Variants in CAMK1 observed in about 807,000 individuals in gnomAD.
CAMK1 encodes calcium/calmodulin dependent protein kinase I, also known as calcium/calmodulin-dependent protein kinase type 1.
Under a neutral mutation model 49.1 loss-of-function variants are expected in CAMK1, and 39 were observed. The ratio of observed to expected loss-of-function variants is 0.79; its 90% CI spans 0.62 to 1.04. CAMK1 has a LOEUF of 1.04. CAMK1 is among the 50% of genes least tolerant of loss of function. The pLI is 0.00. For missense variants in CAMK1, 457 were observed against 472.2 expected (o/e 0.97, Z 0.30); for synonymous variants, 192 against 185.2 (o/e 1.04, Z -0.30).
At chr3:9,758,871 C>CTG in intron 10 of CAMK1, 1 of 353,548 alleles carries the variant, frequency 2.8e-6, no homozygotes, top group East Asian at 7.2e-5. Flanking sequence ...CTCAGGTGAT[C>CTG]CAACCACCTC....
rs751388407 is a variant in CAMK1 at position 9,767,713 on chromosome 3, C to T, written c.37G>A (p.Ala13Thr). ...TCGTAGATGTCTCTAATGTCCTCCGCCTGCTTCCACCTGGGGCCTTCCACT... is the reference window on the plus strand; with the variant it reads ...TCGTAGATGTCTCTAATGTCCTCCGTCTGCTTCCACCTGGGGCCTTCCACT... ...GAVEGPRWKQ[A>T]EDIRDIYDFR... Residue 13 changes from alanine to threonine, a missense_variant, in exon 2 of 12, where the codon GCG (alanine) becomes ACG (threonine). By Grantham distance (58) the Ala-to-Thr change is moderately conservative. Coordinates refer to ENST00000256460, the MANE Select transcript of CAMK1 (RefSeq NM_003656.5). The T allele has an allele frequency of 8.7e-6, 14 of 1,614,064 alleles. No homozygotes were observed. Among genetic ancestry groups the T allele is most frequent in the Admixed American group, 1.7e-5 (1 of 60,000 alleles).
chr3:9,757,685 C>G lies in CAMK1; in HGVS notation c.1030+44G>C, dbSNP rs1352531954. 6.2e-7 allele frequency: 1 copy of G among 1,613,960 alleles called. No individual in the cohort carries two copies. Among genetic ancestry groups the G allele is most frequent in the Non-Finnish European group, 8.5e-7 (1 of 1,180,008 alleles). ...GGCCCTCCACTCCAGCCCGGGTGCA[C>G]CTTTGTGGACCACCCATGCCCTTCT... On this transcript the variant is annotated intron_variant, in intron 11 of 11. Coordinates refer to ENST00000256460, the MANE Select transcript of CAMK1 (RefSeq NM_003656.5). The surrounding 1 kb of genome is among the most constrained non-coding windows in gnomAD (Gnocchi z 4.5).
intron 7 of CAMK1, 53 bp from the exon 8 acceptor site, chr3:9,760,821 G>T: frequency 6.2e-7 from 1 of 1,608,760 alleles, no homozygotes; most frequent in Admixed American, 1.7e-5. Context: ...CGTTGGCTCC[G>T]GGGTGGAGCA....
chr3:9,769,126 C>T (rs992513575), intron 1 of CAMK1, among the ~76,000 whole-genome samples: 33 of 152,054 alleles, frequency 2.2e-4, no homozygotes, highest in African/African-American at 8.0e-4. Flanking sequence ...CCACACCACA[C>T]AGTGCCCCAG....
In CAMK1 at chr3:9,767,633, A is replaced by C. The variant is rs766263113; in HGVS notation, c.83+34T>G. The stretch of plus-strand genomic sequence containing the variant: ...CCCCACCCTGGACTCAGCCTCCCTC[A>C]GCCATCCAGCACCCAATCCTGCCCT... On this transcript the variant is annotated intron_variant, in intron 2 of 11. Coordinates refer to ENST00000256460, the MANE Select transcript of CAMK1 (RefSeq NM_003656.5). The C allele has an allele frequency of 3.1e-6, 5 of 1,613,138 alleles. No homozygotes were observed. In the South Asian group the frequency reaches 5.5e-5, roughly 18 times the overall value.
Position 9,765,749 on chromosome 3 carries a change from G to A in CAMK1, c.215+10C>T. On this transcript the variant is annotated intron_variant, in intron 3 of 11. Transcript: ENST00000256460. ...CAGCTTGGGGCAGGGAAAGGCTGTG[G>A]CCCACGCACTTGTGCAGGACAGCAA... 6.2e-7 allele frequency: 1 copy of A among 1,613,624 alleles called. No individual in the cohort carries two copies. The highest frequency in any genetic ancestry group is 1.1e-5 in the South Asian group (1 of 91,064).
intron 7 of CAMK1, 56 bp downstream of exon 7, chr3:9,761,405 A>G (rs904295381): frequency 1.3e-6 from 2 of 1,549,236 alleles, no homozygotes; most frequent in Non-Finnish European, 1.7e-6. Flanking sequence ...AAGAGAGGAA[A>G]GTAGGCGAGA....
chr3:9,768,678 A>T (rs1160514605), intron 1 of CAMK1, among the ~76,000 whole-genome samples: 1 of 152,230 alleles, frequency 6.6e-6, no homozygotes, highest in Admixed American at 6.5e-5. Context: ...CATTCAGAGA[A>T]CACAGCCTCC....
Position 9,757,723 on chromosome 3 carries a change from C to T in CAMK1, c.1030+6G>A, listed in dbSNP as rs2125561170. The T allele has an allele frequency of 6.2e-7, 1 of 1,614,146 alleles. No individual in the cohort carries two copies. Among genetic ancestry groups the T allele is most frequent in the Non-Finnish European group, 8.5e-7 (1 of 1,180,016 alleles). On this transcript the variant is annotated splice_donor_region_variant and intron_variant, in intron 11 of 11. Coordinates refer to ENST00000256460, the MANE Select transcript of CAMK1 (RefSeq NM_003656.5). The surrounding 1 kb of genome is among the most constrained non-coding windows in gnomAD (Gnocchi z 4.5). Reference sequence around the variant, plus strand: ...CCCATGCCCTTCTGCAGAGCCCGCTCCTCACCCCCAGCCACTGGTGTCAGC... The same window carrying T: ...CCCATGCCCTTCTGCAGAGCCCGCTTCTCACCCCCAGCCACTGGTGTCAGC...
chr3:9,761,997 A>G, intron 5 of CAMK1: 1 of 471,860 alleles, frequency 2.1e-6, no homozygotes, highest in East Asian at 3.9e-5. Context: ...GTAAAGCCCT[A>G]AAGGAATGTT....
rs753082810 is a variant in CAMK1, at chr3:9,757,842, G to C, written c.917C>G (p.Ala306Gly). 6.2e-7 allele frequency: 1 copy of C among 1,604,056 alleles called. No homozygotes were observed. The highest frequency in any genetic ancestry group is 2.2e-5 in the East Asian group (1 of 44,530). Reference sequence around the variant, plus strand: ...CCGCACCACAGCCGTGGCATTGAAGGCTTGCTGGCATTGAAGGCATTGAAG... The same window carrying C: ...CCGCACCACAGCCGTGGCATTGAAGCCTTGCTGGCATTGAAGGCATTGAAG... ...KNFAKSKWKQ[A>G]FNATAVVRHM... is the part of the protein sequence containing the mutation. The change falls in exon 11 of 12, where the codon GCC becomes GGC. Residue 306 changes from alanine (A) to glycine (G), a missense_variant. Physicochemically the swap from Ala to Gly is moderately conservative, Grantham distance 60. Transcript: ENST00000256460. The surrounding 1 kb of genome is among the most constrained non-coding windows in gnomAD (Gnocchi z 4.5).
chr3:9,761,912 A>T, intron 5 of CAMK1, 155 bp from the exon 6 acceptor site: 1 of 1,203,904 alleles, frequency 8.3e-7, no homozygotes, highest in Non-Finnish European at 1.1e-6. Flanking sequence ...GCTCTCAAGA[A>T]GGCCAAAAAT....
intron 2 of CAMK1, 138 bp from the exon 3 acceptor site, chr3:9,766,028 C>T: frequency 6.2e-7 from 1 of 1,612,234 alleles, no homozygotes; most frequent in Non-Finnish European, 8.5e-7. Context: ...TCATCCATCC[C>T]CTGGCTCCAG....
intron 8 of CAMK1, 55 bp downstream of exon 8, chr3:9,760,601 G>T: frequency 6.3e-7 from 1 of 1,578,194 alleles, no homozygotes; most frequent in Non-Finnish European, 8.7e-7. Context: ...CCCCAAAGCA[G>T]GTGAGGGAGG....
chr3:9,767,896 T>G, intron 1 of CAMK1, 115 bp from the exon 2 acceptor site: 2 of 1,353,276 alleles, frequency 1.5e-6, no homozygotes, highest in South Asian at 3.2e-5. Context: ...ATTCATCCAT[T>G]TGACAAAATC....
intron 3 of CAMK1, 155 bp from the exon 4 acceptor site, chr3:9,763,368 C>T: frequency 3.9e-6 from 1 of 259,462 alleles, no homozygotes. Flanking sequence ...CTAGCCACTG[C>T]ACTCCAGCCT....
intron 2 of CAMK1, among the ~76,000 whole-genome samples, chr3:9,767,301 C>T (rs2078180537): frequency 6.6e-6 from 1 of 152,218 alleles, no homozygotes. Flanking sequence ...CTGGGATCAA[C>T]TTGAAGGGCA....
At chr3:9,768,302 TTC>T (rs1404218102) in intron 1 of CAMK1, among the ~76,000 whole-genome samples, 1 of 152,208 alleles carries the variant, frequency 6.6e-6, no homozygotes, top group Non-Finnish European at 1.5e-5. Context: ...AAATAGCTCT[TTC>T]TGCACTGTTA....
intron 2 of CAMK1, chr3:9,766,882 A>G (rs1332049445): frequency 6.3e-6 from 1 of 157,820 alleles, no homozygotes; most frequent in African/African-American, 2.4e-5. Flanking sequence ...ACCTGCCAAA[A>G]AGTCTTAAGT....
Sources: allele counts gnomAD v4.1 joint callset (sites outside exome capture counted in the v4.1 genomes callset), GRCh38; gene constraint gnomAD v4.1.1; non-coding constraint Gnocchi (gnomAD v3.1); transcripts MANE v1.5; gene names NCBI Gene and HGNC (gene_info 2026-07-23, HGNC 2026-07-21).